Variants in NRDC observed in about 807,000 individuals in gnomAD.
The protein encoded by NRDC is nardilysin convertase, also known as nardilysin.
In NRDC, 54 loss-of-function variants were observed where a neutral mutation model predicts 147.1. The ratio of observed to expected loss-of-function variants is 0.37; its 90% CI spans 0.29 to 0.46. The LOEUF (loss-of-function observed/expected upper bound fraction) is 0.46. Among genes scored for constraint, NRDC ranks in the 20% least tolerant of loss-of-function variants. The pLI is 1.00. For synonymous variants in NRDC, 440 were observed against 482.1 expected (o/e 0.91, Z 1.14); for missense variants, 1,082 against 1,370.6 (o/e 0.79, Z 3.33).
intron 1 of NRDC, among the ~76,000 whole-genome samples, chr1:51,858,471 T>TAAAA (rs79682328): frequency 1.2e-3 from 143 of 122,022 alleles, no homozygotes; most frequent in African/African-American, 4.3e-3. Flanking sequence ...ACCCTGTCTT[T>TAAAA]AAAAAAAAAA....
At chr1:51,877,484 G>A (rs1683389299) in intron 1 of NRDC, among the ~76,000 whole-genome samples, 1 of 152,024 alleles carries the variant, frequency 6.6e-6, no homozygotes, top group Non-Finnish European at 1.5e-5. Flanking sequence ...AACATCGCAA[G>A]ACCCAGACTC....
chr1:51,815,599 G>C (rs1384668374), intron 11 of NRDC, among the ~76,000 whole-genome samples: 1 of 152,112 alleles, frequency 6.6e-6, no homozygotes, highest in Admixed American at 6.5e-5. Context: ...AGGTACATAT[G>C]AACCCAATAT....
intron 22 of NRDC, among the ~76,000 whole-genome samples, chr1:51,796,828 C>T (rs1447795734): frequency 1.3e-4 from 19 of 143,742 alleles, no homozygotes; most frequent in African/African-American, 3.6e-4. Context: ...CCTTGTGATC[C>T]GCCCACCTCG....
chr1:51,791,470 A>G, intron 27 of NRDC, 108 bp downstream of exon 27: 2 of 848,056 alleles, frequency 2.4e-6, no homozygotes, highest in Non-Finnish European at 4.0e-6. Flanking sequence ...CTGACTAAAT[A>G]GAGCAAACCT....
intron 1 of NRDC, among the ~76,000 whole-genome samples, chr1:51,872,041 T>C (rs1046692935): frequency 3.3e-5 from 5 of 152,058 alleles, no homozygotes; most frequent in Admixed American, 2.6e-4. Flanking sequence ...CCAGCTAATT[T>C]TTGTATTTTA....
chr1:51,846,575 T>G (rs1681612096), intron 1 of NRDC, among the ~76,000 whole-genome samples: 1 of 152,272 alleles, frequency 6.6e-6, no homozygotes, highest in Admixed American at 6.5e-5. Flanking sequence ...TGTTCGGATG[T>G]GTTCAGAGTT....
chr1:51,876,915 C>T (rs917036951), intron 1 of NRDC, among the ~76,000 whole-genome samples: 2 of 152,184 alleles, frequency 1.3e-5, no homozygotes, highest in African/African-American at 2.4e-5. Context: ...ACGGGCTGGG[C>T]GGGGTGGCTC....
In NRDC at chr1:51,878,512, C is replaced by T. The variant is rs1433018322; in HGVS notation, c.104G>A (p.Arg35Gln). ...AALWGIETRG[R>Q]CEDSAAARPF... ...TCTGGCAGCAGCAGAGTCTTCGCACCGACCCCGCGTTTCGATTCCCCAGAG... is the reference window on the plus strand; with the variant it reads ...TCTGGCAGCAGCAGAGTCTTCGCACTGACCCCGCGTTTCGATTCCCCAGAG... The change falls in exon 1 of 31, where the codon CGG becomes CAG. Residue 35 changes from arginine (R) to glutamine (Q), a missense_variant. Coordinates refer to ENST00000352171, the MANE Select transcript of NRDC (RefSeq NM_001101662.2). 3.1e-6 allele frequency: 5 copies of T among 1,613,742 alleles called. No homozygotes were observed. Among genetic ancestry groups the T allele is most frequent in the Non-Finnish European group, 3.4e-6 (4 of 1,179,922 alleles).
chr1:51,870,360 T>A (rs1683025002), intron 1 of NRDC, among the ~76,000 whole-genome samples: 1 of 152,192 alleles, frequency 6.6e-6, no homozygotes, highest in South Asian at 2.1e-4. Flanking sequence ...CTTAAGCCAG[T>A]CTTCCACATC....
At chr1:51,874,553 G>A (rs1011002203) in intron 1 of NRDC, among the ~76,000 whole-genome samples, 1 of 151,546 alleles carries the variant, frequency 6.6e-6, no homozygotes, top group Non-Finnish European at 1.5e-5. Flanking sequence ...AGGCTGCAGT[G>A]AGCCGTGATG....
chr1:51,821,085 T>C (rs1413721058), intron 8 of NRDC, among the ~76,000 whole-genome samples: 2 of 152,112 alleles, frequency 1.3e-5, no homozygotes, highest in Non-Finnish European at 2.9e-5. Context: ...ACTTCTTTTA[T>C]GGGGAAAACC....
chr1:51,851,933 T>C (rs1681970451), intron 1 of NRDC, among the ~76,000 whole-genome samples: 1 of 152,204 alleles, frequency 6.6e-6, no homozygotes, highest in Non-Finnish European at 1.5e-5. Flanking sequence ...TTTGGTTTAA[T>C]ATTTGTGTGA....
At chr1:51,861,106 T>C (rs1682509729) in intron 1 of NRDC, among the ~76,000 whole-genome samples, 1 of 151,640 alleles carries the variant, frequency 6.6e-6, no homozygotes. Context: ...GGCATCACCA[T>C]GCCCAGTTAA....
intron 1 of NRDC, chr1:51,878,031 T>A: frequency 7.3e-7 from 1 of 1,362,330 alleles, no homozygotes; most frequent in Admixed American, 3.2e-5. Flanking sequence ...CTTTAGCGAC[T>A]GTATTCAAAT....
chr1:51,842,231 G>T (rs1043361147), intron 1 of NRDC, among the ~76,000 whole-genome samples: 4 of 141,016 alleles, frequency 2.8e-5, no homozygotes, highest in African/African-American at 5.2e-5. Flanking sequence ...AAAATGTTTG[G>T]TTTTTTTTTT....
At chr1:51,875,755 T>G (rs1462275942) in intron 1 of NRDC, among the ~76,000 whole-genome samples, 1 of 151,206 alleles carries the variant, frequency 6.6e-6, no homozygotes, top group East Asian at 1.9e-4. Flanking sequence ...GGGCTCACTA[T>G]GTTGCCCAGG....
At chr1:51,798,028 C>T in intron 22 of NRDC, 1 of 486,782 alleles carries the variant, frequency 2.1e-6, no homozygotes, top group South Asian at 3.7e-5. Context: ...CCTTGGCCTC[C>T]CAAAATGCTG....
At chr1:51,814,362 C>G (rs1015456081) in intron 13 of NRDC, 189 bp downstream of exon 13, 1 of 594,842 alleles carries the variant, frequency 1.7e-6, no homozygotes, top group African/African-American at 1.9e-5. Context: ...AAAGGGACTG[C>G]CCACATATGT....
chr1:51,848,919 A>G (rs1013364259), intron 1 of NRDC, among the ~76,000 whole-genome samples: 5 of 152,212 alleles, frequency 3.3e-5, no homozygotes, highest in African/African-American at 1.2e-4. Context: ...GCATGACACT[A>G]GAACACATTC....
Sources: gnomAD v4.1 joint callset for allele counts (sites outside exome capture counted in the v4.1 genomes callset) on GRCh38, gnomAD v4.1.1 for gene constraint, MANE v1.5 for transcripts, NCBI Gene and HGNC (gene_info 2026-07-23, HGNC 2026-07-21) for gene names.